Variants in ALG11 observed in about 807,000 individuals in gnomAD.
ALG11 encodes the protein ALG11 alpha-1,2-mannosyltransferase, also known as GDP-Man:Man(3)GlcNAc(2)-PP-Dol alpha-1,2-mannosyltransferase.
A neutral mutation model predicts 38.8 loss-of-function variants in ALG11; 26 were observed. The observed-to-expected ratio is 0.67, with a 90% CI of 0.49 to 0.93. ALG11 has a LOEUF of 0.93. Ranked by LOEUF, ALG11 falls within the 40% of genes least tolerant of loss-of-function variation. The pLI, the probability that ALG11 is intolerant of heterozygous loss-of-function variation, is 0.00. For missense variants in ALG11, 535 were observed against 578.8 expected, an observed-to-expected ratio of 0.92 and a Z score of 0.78; for synonymous variants, 199 against 211.6, an observed-to-expected ratio of 0.94 and a Z score of 0.52.
At chr13:52,019,588 T>TTTC (rs539316437) in intron 2 of ALG11, among the ~76,000 whole-genome samples, 226 of 152,338 alleles carry the variant, frequency 1.5e-3, no homozygotes, top group Admixed American at 2.5e-3. Context: ...TAAGAAAATA[T>TTTC]TTCTTTCATG....
Position 52,019,089 on chromosome 13 carries a change from C to T in ALG11, c.221C>T (p.Ala74Val). 1 of 1,613,924 alleles carries T rather than the reference C, an allele frequency of 6.2e-7. No homozygotes were observed. Residue 74 changes from alanine (A) to valine (V), a missense_variant, in exon 2 of 4, where the codon GCT becomes GTT. Coordinates refer to ENST00000521508, the MANE Select transcript of ALG11 (RefSeq NM_001004127.3). ...VIAFFHPYCN[A>V]GGGGERVLWC... ...GCATTTTTTCATCCATACTGCAATG[C>T]TGGTGGAGGAGGAGAAAGAGTTTTA...
chr13:52,024,384 TAATG>T lies in ALG11; in HGVS notation c.655_658del (p.Asn219GlnfsTer13). On this transcript the variant is annotated frameshift_variant, in exon 3 of 4. Transcript: ENST00000521508. LOFTEE classifies it high-confidence loss of function. ...TGAAGAATCAAAATATTGGATTTAA[TAATG>T]CAGCCTTCATTACCAGGAATCCTTT... 6.2e-7 allele frequency: 1 copy of T among 1,613,782 alleles called. No homozygotes were observed. The highest frequency in any genetic ancestry group is 8.5e-7 in the Non-Finnish European group (1 of 1,179,726).
At position 52,031,351 on chromosome 13, in the gene ALG11, T is replaced by C. The variant is rs553467950; in HGVS notation, c.*2761T>C. 2 of 543,370 alleles carry C rather than the reference T, an allele frequency of 3.7e-6. No homozygotes were observed. The highest frequency in any genetic ancestry group is 6.4e-6 in the Non-Finnish European group (2 of 314,936). The allele number at this position is 543,370 out of a possible 1,614,324, so 33.7% of individuals were successfully genotyped here. A position where few individuals can be genotyped will look rare whatever the true frequency, so the allele number is the denominator to read the frequency against. On this transcript the variant is annotated 3_prime_UTR_variant, in exon 4 of 4. Transcript: ENST00000521508. ...CAATACAGTGGATGACCCTTTTGAA[T>C]ATACCTAATGATTTCCTTAAAAAAG... is the stretch of plus-strand genomic sequence containing the variant.
rs1004326613 is a variant in ALG11 at position 52,032,251 on chromosome 13, G to C, written c.*3661G>C. 2.4e-5 allele frequency: 4 copies of C among 165,130 alleles called. No individual in the cohort carries two copies. The East Asian group carries it at 7.7e-4, about 32-fold the overall frequency. The allele number at this position is 165,130 out of a possible 1,614,324, so 10.2% of individuals were successfully genotyped here. ...AGAAAAAAAGGAAAAAGAAAATTATGAGAGTTACTTAAAGGTAACATCACA... is the reference window on the plus strand; with the variant it reads ...AGAAAAAAAGGAAAAAGAAAATTATCAGAGTTACTTAAAGGTAACATCACA... On this transcript the variant is annotated 3_prime_UTR_variant, in exon 4 of 4. Coordinates refer to ENST00000521508, the MANE Select transcript of ALG11 (RefSeq NM_001004127.3).
At position 52,024,418 on chromosome 13, in the gene ALG11, A is replaced by C. The variant is rs1476801213; in HGVS notation, c.688A>C (p.Ser230Arg). The change falls in exon 3 of 4, where the codon AGC (serine) becomes CGC (arginine). Residue 230 changes from serine (S) to arginine (R), a missense_variant. By Grantham distance (110) the Ser-to-Arg change is moderately radical. Transcript: ENST00000521508. The stretch of plus-strand genomic sequence containing the variant: ...CTTCATTACCAGGAATCCTTTTCTC[A>C]GCAAAGTAAAGCTCATCTACTACTA... The part of the protein sequence containing the change: ...AAFITRNPFL[S>R]KVKLIYYYLF... The C allele has an allele frequency of 6.2e-7, 1 of 1,613,322 alleles. No individual in the cohort carries two copies. The highest frequency in any genetic ancestry group is 8.5e-7 in the Non-Finnish European group (1 of 1,179,604).
intron 2 of ALG11, chr13:52,022,052 C>T (rs1396342265): frequency 6.6e-6 from 1 of 152,164 alleles, no homozygotes; most frequent in Non-Finnish European, 1.5e-5. Flanking sequence ...TGCCACCTCT[C>T]AGTGAGAAAA....
chr13:52,030,550 G>T lies in ALG11; in HGVS notation c.*1960G>T. 6.2e-7 allele frequency: 1 copy of T among 1,614,138 alleles called. No individual in the cohort carries two copies. Among genetic ancestry groups the T allele is most frequent in the Non-Finnish European group, 8.5e-7 (1 of 1,180,036 alleles). On this transcript the variant is annotated 3_prime_UTR_variant, in exon 4 of 4. Coordinates refer to ENST00000521508, the MANE Select transcript of ALG11 (RefSeq NM_001004127.3). ...CAGTTCCCACAATAATAGAGGAGCTGGAAGATGAAGAGGAGAGAGACCAAA... is the reference window on the plus strand; with the variant it reads ...CAGTTCCCACAATAATAGAGGAGCTTGAAGATGAAGAGGAGAGAGACCAAA...
chr13:52,019,215 T>TG, intron 2 of ALG11, 72 bp downstream of exon 2: 1 of 720,580 alleles, frequency 1.4e-6, no homozygotes. Flanking sequence ...CAGAAATTCA[T>TG]CTTTTTTTTT....
At chr13:52,014,138 A>G (rs1409952982) in intron 1 of ALG11, among the ~76,000 whole-genome samples, 1 of 152,204 alleles carries the variant, frequency 6.6e-6, no homozygotes, top group Non-Finnish European at 1.5e-5. Context: ...TTCCTACTAC[A>G]TGTCTAAGTT....
At position 52,012,426 on chromosome 13, in the gene ALG11, C is replaced by T. The variant is rs1954074950; in HGVS notation, c.8C>T (p.Ala3Val). The T allele has an allele frequency of 6.2e-7, 1 of 1,614,076 alleles. No individual in the cohort carries two copies. The highest frequency in any genetic ancestry group is 8.5e-7 in the Non-Finnish European group (1 of 1,180,016). The change falls in exon 1 of 4, where the codon GCC becomes GTC. Residue 3 changes from alanine to valine, a missense_variant. Physicochemically the swap from Ala to Val is moderately conservative, Grantham distance 64. Transcript: ENST00000521508. MA[A>V]GERSWCLCKL... is the part of the protein sequence containing the mutation. ...TTCGGGGGTCGGCGGAAGATGGCGG[C>T]CGGCGAAAGGAGCTGGTGCCTGTGC...
intron 2 of ALG11, 192 bp from the exon 3 acceptor site, chr13:52,023,811 TTGA>T: frequency 7.3e-6 from 2 of 275,352 alleles, no homozygotes; most frequent in Non-Finnish European, 1.3e-5. Context: ...TTTTTTTTTT[TTGA>T]GATGGAGTCT....
rs1384866244 is a variant in ALG11 at position 52,032,213 on chromosome 13, T to TC, written c.*3625dup. 1 of 157,434 alleles carries TC rather than the reference T, an allele frequency of 6.4e-6. No homozygotes were observed. Among genetic ancestry groups the TC allele is most frequent in the African/African-American group, 2.4e-5 (1 of 41,292 alleles). 9.8% of individuals were successfully genotyped at this position (157,434 alleles called of 1,614,324 possible). A position where few individuals can be genotyped will look rare whatever the true frequency, so the allele number is the denominator to read the frequency against. On this transcript the variant is annotated 3_prime_UTR_variant, in exon 4 of 4. Transcript: ENST00000521508. ...CTCTAGCCTGGGCAATAAGCAAAAC[T>TC]CCATCTCAAAAAAGAAAAAAAGGAA...
Position 52,023,990 on chromosome 13 carries a change from T to C in ALG11, c.276-16T>C, listed in dbSNP as rs755395494. 2 of 1,612,500 alleles carry C rather than the reference T, an allele frequency of 1.2e-6. No homozygotes were observed. The highest frequency in any genetic ancestry group is 3.3e-5 in the Admixed American group (2 of 60,012). The stretch of plus-strand genomic sequence containing the variant: ...TTGTAACTTAATATATTCTTAACCA[T>C]TACATTCTATTTTAGGTATCCTGAA... On this transcript the variant is annotated splice_polypyrimidine_tract_variant and intron_variant, in intron 2 of 3. Transcript: ENST00000521508.
At chr13:52,023,260 CT>C (rs1413722041) in intron 2 of ALG11, 8 of 152,270 alleles carry the variant, frequency 5.3e-5, no homozygotes, top group African/African-American at 1.9e-4. Context: ...TTTAGACCAT[CT>C]CATTCATAAA....
At position 52,030,363 on chromosome 13, in the gene ALG11, G is replaced by GT. The variant is rs1345012196; in HGVS notation, c.*1777dup. ...CTAGAAGAGCTGGGAAAAGAAGATTGTTTTCAAAATAAGGAGCTTCCCAGA... is the reference window on the plus strand; with the variant it reads ...CTAGAAGAGCTGGGAAAAGAAGATTGTTTTTCAAAATAAGGAGCTTCCCAGA... On this transcript the variant is annotated 3_prime_UTR_variant, in exon 4 of 4. Transcript: ENST00000521508. 6.2e-7 allele frequency: 1 copy of GT among 1,614,082 alleles called. No individual in the cohort carries two copies. Among genetic ancestry groups the GT allele is most frequent in the African/African-American group, 1.3e-5 (1 of 74,930 alleles).
At chr13:52,016,991 A>T (rs1954139968) in intron 1 of ALG11, 1 of 152,246 alleles carries the variant, frequency 6.6e-6, no homozygotes, top group South Asian at 2.1e-4. Flanking sequence ...TGTACCCTGC[A>T]AATCTACAGG....
At chr13:52,012,584 C>A in intron 1 of ALG11, 122 bp downstream of exon 1, 1 of 1,332,590 alleles carries the variant, frequency 7.5e-7, no homozygotes, top group Non-Finnish European at 1.1e-6. Flanking sequence ...GGTAATTTCT[C>A]AGGCCAATGA....
rs146338412 is a variant in ALG11 at position 52,025,576 on chromosome 13, G to A, written c.1207+639G>A. 6.6e-5 allele frequency among the ~76,000 whole-genome samples: 10 copies of A among 152,294 alleles called. 1 individual carries two copies. The highest frequency in any genetic ancestry group is 2.4e-4 in the African/African-American group (10 of 41,566). ...TGATTCTACCCTCACCATTGGAATGGCTCTCCTCTTTGTGCCAGATTGCAT... is the reference window on the plus strand; with the variant it reads ...TGATTCTACCCTCACCATTGGAATGACTCTCCTCTTTGTGCCAGATTGCAT... On this transcript the variant is annotated intron_variant, in intron 3 of 3. Transcript: ENST00000521508.
At chr13:52,027,115 G>A (rs1341182744) in intron 3 of ALG11, among the ~76,000 whole-genome samples, 1 of 152,150 alleles carries the variant, frequency 6.6e-6, no homozygotes, top group Non-Finnish European at 1.5e-5. Flanking sequence ...TGGTGACCTG[G>A]GCAAGAGCAG....
Sources: gnomAD v4.1 joint callset for allele counts (sites outside exome capture counted in the v4.1 genomes callset) on GRCh38, gnomAD v4.1.1 for gene constraint, MANE v1.5 for transcripts, NCBI Gene and HGNC (gene_info 2026-07-23, HGNC 2026-07-21) for gene names.